Variants in P2RY8 observed in about 807,000 individuals in gnomAD.
P2RY8 encodes the protein S-geranylgeranyl-glutathione receptor P2RY8.
A neutral mutation model predicts 10.0 loss-of-function variants in P2RY8; 6 were observed. The observed-to-expected ratio is 0.60, with a 90% CI of 0.33 to 1.19. The LOEUF (loss-of-function observed/expected upper bound fraction) is 1.19, where lower values mean the gene tolerates loss of function less well. P2RY8 is among the 50% of genes most tolerant of loss of function. The pLI is 0.04. For synonymous variants in P2RY8, 276 were observed against 252.5 expected, an observed-to-expected ratio of 1.09 and a Z score of -0.88; for missense variants, 456 against 542.0, an observed-to-expected ratio of 0.84 and a Z score of 1.58.
At chrX:1,489,691 T>C (rs1243567934) in intron 1 of P2RY8, among the ~76,000 whole-genome samples, 5 of 150,148 alleles carry the variant, frequency 3.3e-5, no homozygotes, top group African/African-American at 1.2e-4. Flanking sequence ...TCTGCAAATG[T>C]AGAGAGAATG....
At chrX:1,533,429 T>C (rs768832442) in intron 1 of P2RY8, among the ~76,000 whole-genome samples, 119 of 144,694 alleles carry the variant, frequency 8.2e-4, no homozygotes, top group South Asian at 1.7e-3. Context: ...TATATATTTA[T>C]ATATTTATTA....
At position 1,465,485 on chromosome X, in the gene P2RY8, C is replaced by T. The variant is rs773862058; in HGVS notation, c.1074G>A (p.Val358=). ...CAAGCTGCGCCCCCGGGACTCAGAA[C>T]ACACTCTCCTGCCTCTGGAGGCCGG... ...TRPGLQRQES[V]F Residue 358 remains valine (V), a synonymous_variant, in exon 2 of 2, where the codon GTG becomes GTA. Coordinates refer to ENST00000381297, the MANE Select transcript of P2RY8 (RefSeq NM_178129.5). The T allele has an allele frequency of 6.2e-7, 1 of 1,603,812 alleles. No homozygotes were observed. The highest frequency in any genetic ancestry group is 8.5e-7 in the Non-Finnish European group (1 of 1,175,194).
At chrX:1,498,210 T>G (rs2092135940) in intron 1 of P2RY8, among the ~76,000 whole-genome samples, 2 of 151,246 alleles carry the variant, frequency 1.3e-5, no homozygotes, top group Non-Finnish European at 3.0e-5. Flanking sequence ...ATCAAGACCA[T>G]CCTGGCCAAC....
At chrX:1,482,293 G>GA (rs770409627) in intron 1 of P2RY8, among the ~76,000 whole-genome samples, 7,341 of 129,688 alleles carry the variant, frequency 0.057, 594 homozygotes, top group African/African-American at 0.17. Flanking sequence ...GCCATTTGGT[G>GA]AAAAAAAAAA....
In P2RY8 at chrX:1,466,335, A is replaced by G; in HGVS notation, c.224T>C (p.Val75Ala). The G allele has an allele frequency of 6.2e-7, 1 of 1,613,844 alleles. No homozygotes were observed. The highest frequency in any genetic ancestry group is 8.5e-7 in the Non-Finnish European group (1 of 1,179,858). ...ATGGTAGTAGATTTGGAAAGGCAAC[A>G]CGCTGGCCAGCATCAGGTCCGTGAC... ...LSVTDLMLAS[V>A]LPFQIYYHCN... The change falls in exon 2 of 2, where the codon GTG becomes GCG. Residue 75 changes from valine (V) to alanine (A), a missense_variant. By Grantham distance (64) the Val-to-Ala change is moderately conservative. Coordinates refer to ENST00000381297, the MANE Select transcript of P2RY8 (RefSeq NM_178129.5).
Position 1,465,985 on chromosome X carries a change from C to A in P2RY8, c.574G>T (p.Val192Leu), listed in dbSNP as rs772112316. 2 of 1,612,330 alleles carry A rather than the reference C, an allele frequency of 1.2e-6. No individual in the cohort carries two copies. The highest frequency in any genetic ancestry group is 1.1e-5 in the South Asian group (1 of 91,022). The stretch of plus-strand genomic sequence containing the variant: ...AGGATGAAGATGGTGAAGAGGAACA[C>A]GGCCCACATGGCCACGCTGGGGAGC... ...TMLPSVAMWA[V>L]FLFTIFILLF... is the part of the protein sequence containing the mutation. Residue 192 changes from valine to leucine, a missense_variant, in exon 2 of 2, where the codon GTG (valine) becomes TTG (leucine). Val to Leu is a conservative substitution (Grantham distance 32). Coordinates refer to ENST00000381297, the MANE Select transcript of P2RY8 (RefSeq NM_178129.5).
intron 1 of P2RY8, among the ~76,000 whole-genome samples, chrX:1,503,505 C>A (rs1452430213): frequency 6.6e-6 from 1 of 152,146 alleles, no homozygotes; most frequent in Non-Finnish European, 1.5e-5. Context: ...TCACACCTGT[C>A]ATCCCAGCAC....
chrX:1,494,380 T>C (rs1379927258), intron 1 of P2RY8: 1 of 152,270 alleles, frequency 6.6e-6, no homozygotes, highest in African/African-American at 2.4e-5. Context: ...ATCTGCAGAC[T>C]GAGCTTGGTG....
intron 1 of P2RY8, among the ~76,000 whole-genome samples, chrX:1,472,519 G>A (rs2091801723): frequency 9.7e-6 from 1 of 102,852 alleles, no homozygotes; most frequent in Non-Finnish European, 2.0e-5. Context: ...TGGGTGGGTG[G>A]GAGGGTGGGT....
intron 1 of P2RY8, among the ~76,000 whole-genome samples, chrX:1,509,751 G>GTCTGTCTATCTATCTA (rs2092281562): frequency 2.6e-5 from 2 of 78,302 alleles, no homozygotes; most frequent in South Asian, 3.7e-4. Context: ...GTATCTATCT[G>GTCTGTCTATCTATCTA]TCTATCTATC....
intron 1 of P2RY8, among the ~76,000 whole-genome samples, chrX:1,471,332 G>GTTTTTTT (rs2091783861): frequency 3.7e-5 from 1 of 27,262 alleles, no homozygotes; most frequent in Non-Finnish European, 7.4e-5. Context: ...TTTTTTTTTT[G>GTTTTTTT]TAATTTTAGT....
chrX:1,506,878 G>T (rs9786667), intron 1 of P2RY8, among the ~76,000 whole-genome samples: 135,269 of 151,646 alleles, frequency 0.89, 60,884 homozygotes, highest in South Asian at 0.97. Context: ...GGGTTTCACC[G>T]TGTTAGCCAG....
Position 1,466,448 on chromosome X carries a change from G to C in P2RY8, c.111C>G (p.Ser37Arg). Residue 37 changes from serine (S) to arginine (R), a missense_variant, in exon 2 of 2, where the codon AGC becomes AGG. Ser to Arg is a moderately radical substitution (Grantham distance 110). Coordinates refer to ENST00000381297, the MANE Select transcript of P2RY8 (RefSeq NM_178129.5). ...PVVYSLVAAV[S>R]IPGNLFSLWV... ...ACAGAGAGAAGAGGTTGCCCGGGAT[G>C]CTGACCGCCGCCACCAGCGAGTACA... The C allele has an allele frequency of 1.9e-6, 3 of 1,612,536 alleles. No individual in the cohort carries two copies. The highest frequency in any genetic ancestry group is 2.5e-6 in the Non-Finnish European group (3 of 1,179,840).
intron 1 of P2RY8, among the ~76,000 whole-genome samples, chrX:1,524,669 T>TCATCCATCCATCCATCCATCCATC (rs1208902272): frequency 2.0e-5 from 1 of 51,062 alleles, no homozygotes; most frequent in Non-Finnish European, 3.7e-5. Flanking sequence ...ATCCATCCAT[T>TCATCCATCCATCCATCCATCCATC]CATCCATCCA....
intron 1 of P2RY8, among the ~76,000 whole-genome samples, chrX:1,504,616 C>A (rs1347052273): frequency 6.6e-6 from 1 of 152,182 alleles, no homozygotes; most frequent in African/African-American, 2.4e-5. Flanking sequence ...TTTTGGGAGT[C>A]TGAGGCAGGT....
Position 1,513,845 on chromosome X carries a change from C to T in P2RY8, c.-25+23076G>A, listed in dbSNP as rs761820018. ...CCATCACTCCAGTCTCTGCCTCTGT[C>T]TCCCCATGGCCTCCTCCTCTGTGTC... On this transcript the variant is annotated intron_variant, in intron 1 of 1. Coordinates refer to ENST00000381297, the MANE Select transcript of P2RY8 (RefSeq NM_178129.5). 3.3e-5 allele frequency among the ~76,000 whole-genome samples: 5 copies of T among 152,134 alleles called. No homozygotes were observed. In the South Asian group the frequency reaches 1.0e-3, roughly 32 times the overall value.
chrX:1,462,914 G>A lies in P2RY8; in HGVS notation c.*2565C>T, dbSNP rs1429260293. On this transcript the variant is annotated 3_prime_UTR_variant, in exon 2 of 2. Transcript: ENST00000381297. ...GAGTCAGCTTCCAGGAAACATCCACGGCTGTAAGAGGGGGTGTCGGCTGCT... is the reference window on the plus strand; with the variant it reads ...GAGTCAGCTTCCAGGAAACATCCACAGCTGTAAGAGGGGGTGTCGGCTGCT... The A allele has an allele frequency of 6.4e-5, 15 of 232,886 alleles. No homozygotes were observed. Among genetic ancestry groups the A allele is most frequent in the African/African-American group, 1.5e-4 (7 of 45,286 alleles). The allele number at this position is 232,886 out of a possible 1,614,324, so 14.4% of individuals were successfully genotyped here.
chrX:1,510,867 T>A (rs1175053334), intron 1 of P2RY8, among the ~76,000 whole-genome samples: 115 of 128,820 alleles, frequency 8.9e-4, no homozygotes, highest in Middle Eastern at 6.3e-3. Context: ...CAACAGAGTG[T>A]GACTCCGTCT....
intron 1 of P2RY8, among the ~76,000 whole-genome samples, chrX:1,521,942 C>CTTTTTTTTTTTTTTTTTTTTT (rs1189470045): frequency 2.1e-5 from 1 of 48,694 alleles, no homozygotes; most frequent in Non-Finnish European, 3.7e-5. Context: ...CTCTCTCGCT[C>CTTTTTTTTTTTTTTTTTTTTT]TCTTTTTTTT....
Sources: gnomAD v4.1 joint callset for allele counts (sites outside exome capture counted in the v4.1 genomes callset) on GRCh38, gnomAD v4.1.1 for gene constraint, MANE v1.5 for transcripts, NCBI Gene and HGNC (gene_info 2026-07-23, HGNC 2026-07-21) for gene names.